Variants in FSTL4 observed in about 807,000 individuals in gnomAD.
FSTL4 encodes follistatin-related protein 4.
FSTL4 carries 28 observed loss-of-function variants against 78.2 expected under a neutral mutation model. The ratio of observed to expected loss-of-function variants is 0.36; its 90% confidence interval spans 0.27 to 0.49. The LOEUF (loss-of-function observed/expected upper bound fraction) is 0.49, where lower values mean the gene tolerates loss of function less well. Among genes scored for constraint, FSTL4 ranks in the 20% least tolerant of loss-of-function variants. FSTL4 has a pLI of 0.98. For missense variants in FSTL4, 922 were observed against 1,084.9 expected (o/e 0.85, Z 2.11); for synonymous variants, 422 against 440.5 (o/e 0.96, Z 0.53).
At chr5:133,583,012 G>A (rs1409748038) in intron 2 of FSTL4, among the ~76,000 whole-genome samples, 2 of 152,178 alleles carry the variant, frequency 1.3e-5, no homozygotes, top group Admixed American at 1.3e-4. Context: ...TACTCAGTGT[G>A]CCTGGGGGTG....
At chr5:133,839,075 G>C in the FSTL4 span, among the ~76,000 whole-genome samples, 1 of 152,346 alleles carries the variant, frequency 6.6e-6, no homozygotes, top group South Asian at 2.1e-4. Flanking sequence ...ACTGAGAAAA[G>C]ACTGCCGTGA....
chr5:133,260,160 C>T (rs1046165132), intron 6 of FSTL4, among the ~76,000 whole-genome samples: 2 of 152,264 alleles, frequency 1.3e-5, no homozygotes, highest in Non-Finnish European at 1.5e-5. Context: ...GGACTGTGTC[C>T]GGCGGGCCGC....
chr5:133,599,494 C>T (rs952690153), intron 2 of FSTL4, among the ~76,000 whole-genome samples: 2 of 152,172 alleles, frequency 1.3e-5, no homozygotes, highest in African/African-American at 4.8e-5. Flanking sequence ...TGTCTGAGCT[C>T]AAAACCTATC....
At chr5:133,230,241 G>C (rs995849264) in intron 8 of FSTL4, among the ~76,000 whole-genome samples, 3 of 152,142 alleles carry the variant, frequency 2.0e-5, no homozygotes, top group Non-Finnish European at 4.4e-5. Context: ...GGGGAGCCTG[G>C]TAAAGCACGA....
intron 3 of FSTL4, among the ~76,000 whole-genome samples, chr5:133,562,912 CA>C (rs1456163099): frequency 3.9e-5 from 6 of 152,254 alleles, no homozygotes; most frequent in African/African-American, 1.4e-4. Flanking sequence ...TTGGCAGTCG[CA>C]ATCAGCATTG....
At chr5:133,676,006 C>T in the FSTL4 span, among the ~76,000 whole-genome samples, 1 of 152,110 alleles carries the variant, frequency 6.6e-6, no homozygotes, top group African/African-American at 2.4e-5. Flanking sequence ...CACAGGCCCT[C>T]CCCACCCTAG....
chr5:133,395,692 T>G (rs1756017733), intron 4 of FSTL4, among the ~76,000 whole-genome samples: 1 of 151,852 alleles, frequency 6.6e-6, no homozygotes, highest in Admixed American at 6.5e-5. Flanking sequence ...CACTTGCTCT[T>G]CCCGGAGACT....
chr5:133,642,254 G>A, the FSTL4 span, among the ~76,000 whole-genome samples: 4,650 of 152,256 alleles, frequency 0.031, 97 homozygotes, highest in East Asian at 0.083. Context: ...TGCTACCAGC[G>A]TTAGTGGCAG....
At chr5:133,664,673 T>A in the FSTL4 span, among the ~76,000 whole-genome samples, 3 of 152,254 alleles carry the variant, frequency 2.0e-5, no homozygotes, top group Non-Finnish European at 4.4e-5. Context: ...GCTTTGTCAG[T>A]GTTTGGGTTT....
chr5:133,605,067 C>T (rs527558684), intron 1 of FSTL4, among the ~76,000 whole-genome samples: 26 of 152,352 alleles, frequency 1.7e-4, no homozygotes, highest in Non-Finnish European at 3.5e-4. Flanking sequence ...AATGAGGATA[C>T]AGACTATCTT....
chr5:133,323,355 G>C (rs1411693467), intron 4 of FSTL4, among the ~76,000 whole-genome samples: 2 of 152,224 alleles, frequency 1.3e-5, no homozygotes, highest in Non-Finnish European at 2.9e-5. Flanking sequence ...CAAGTGGTTG[G>C]CGAGGCCTGG....
At chr5:133,820,768 T>C in the FSTL4 span, among the ~76,000 whole-genome samples, 4 of 152,316 alleles carry the variant, frequency 2.6e-5, no homozygotes, top group African/African-American at 4.8e-5. Context: ...AACCAACTGT[T>C]TGTGGCCAGC....
At chr5:133,364,164 T>G (rs564502175) in intron 4 of FSTL4, among the ~76,000 whole-genome samples, 2 of 152,158 alleles carry the variant, frequency 1.3e-5, no homozygotes, top group Non-Finnish European at 2.9e-5. Context: ...AGAGTGCCCA[T>G]GGGGTCAACA....
intron 2 of FSTL4, among the ~76,000 whole-genome samples, chr5:133,571,103 G>GA (rs368007971): frequency 3.3e-4 from 48 of 143,610 alleles, no homozygotes; most frequent in African/African-American, 7.6e-4. Context: ...CCTTGAACAA[G>GA]AAAAAAAAAA....
intron 4 of FSTL4, among the ~76,000 whole-genome samples, chr5:133,367,878 C>T (rs971276367): frequency 1.3e-5 from 2 of 152,220 alleles, no homozygotes; most frequent in African/African-American, 2.4e-5. Flanking sequence ...TGAATAGAAA[C>T]CTAACACAGT....
chr5:133,754,181 C>T, the FSTL4 span, among the ~76,000 whole-genome samples: 8 of 152,132 alleles, frequency 5.3e-5, no homozygotes, highest in African/African-American at 1.4e-4. Flanking sequence ...AGAGAGCAAA[C>T]CGGAACCACC....
chr5:133,454,127 C>T (rs975701203), intron 3 of FSTL4, among the ~76,000 whole-genome samples: 3 of 152,044 alleles, frequency 2.0e-5, no homozygotes, highest in African/African-American at 7.2e-5. Flanking sequence ...TAGATACTAT[C>T]ACGCTACTTT....
At chr5:133,228,313 A>G (rs139053792) in intron 8 of FSTL4, among the ~76,000 whole-genome samples, 2 of 152,352 alleles carry the variant, frequency 1.3e-5, no homozygotes, top group East Asian at 3.9e-4. Flanking sequence ...ACTGTAAAGT[A>G]CTACTAACTC....
At chr5:133,788,895 T>C in the FSTL4 span, among the ~76,000 whole-genome samples, 1 of 152,184 alleles carries the variant, frequency 6.6e-6, no homozygotes, top group Non-Finnish European at 1.5e-5. Flanking sequence ...AACTCGTTTT[T>C]ATTGGAAGAA....
Sources: gnomAD v4.1 joint callset for allele counts (sites outside exome capture counted in the v4.1 genomes callset) on GRCh38, gnomAD v4.1.1 for gene constraint, MANE v1.5 for transcripts, NCBI Gene and HGNC (gene_info 2026-07-23, HGNC 2026-07-21) for gene names.